The following FAM199X variants were observed in gnomAD, a reference collection of about 807,000 sequenced individuals.
FAM199X encodes protein FAM199X.
FAM199X carries 4 observed loss-of-function variants against 22.9 expected under a neutral mutation model. The ratio of observed to expected loss-of-function variants is 0.17; its 90% CI spans 0.09 to 0.40. FAM199X has a LOEUF of 0.40. Among genes scored for constraint, FAM199X ranks in the 10% least tolerant of loss-of-function variants. The pLI is 1.00. For synonymous variants in FAM199X, 101 were observed against 112.3 expected (o/e 0.90, Z 0.64); for missense variants, 183 against 306.8 (o/e 0.60, Z 3.01).
At chrX:104,183,859 A>G (rs1390840323) in intron 2 of FAM199X, among the ~76,000 whole-genome samples, 1 of 112,364 alleles carries the variant, frequency 8.9e-6, no homozygotes, top group Non-Finnish European at 1.9e-5. Context: ...TGTGGTTTTT[A>G]AGAGTAGTAG....
In FAM199X at chrX:104,191,773, A is replaced by T. The variant is rs1266963761; in HGVS notation, c.*1995A>T. On this transcript the variant is annotated 3_prime_UTR_variant, in exon 6 of 6. Transcript: ENST00000493442. ...CTTGGAAACTATTTACTTAACGGTC[A>T]TCAGTAAAAAACCCTAAACAAGGTC... 8.9e-6 allele frequency: 1 copy of T among 111,942 alleles called. No homozygotes were observed. Among genetic ancestry groups the T allele is most frequent in the Non-Finnish European group, 1.9e-5 (1 of 53,101 alleles). 9.2% of individuals were successfully genotyped at this position (111,942 alleles called of 1,213,427 possible). A position where few individuals can be genotyped will look rare whatever the true frequency, so the allele number is the denominator to read the frequency against.
Position 104,189,933 on chromosome X carries a change from G to T in FAM199X, c.*155G>T, listed in dbSNP as rs1159883604. 4.3e-5 allele frequency: 21 copies of T among 492,497 alleles called. No homozygotes were observed. Among genetic ancestry groups the T allele is most frequent in the Non-Finnish European group, 6.3e-5 (19 of 303,001 alleles). The allele number at this position is 492,497 out of a possible 1,213,427, so 40.6% of individuals were successfully genotyped here. A position where few individuals can be genotyped will look rare whatever the true frequency, so the allele number is the denominator to read the frequency against. ...TTGGCAGGTGATCCCAAGACCTGCA[G>T]CTTCAGCATCACTTGAGAAGTTGTT... is the stretch of plus-strand genomic sequence containing the variant. On this transcript the variant is annotated 3_prime_UTR_variant, in exon 6 of 6. Transcript: ENST00000493442.
chrX:104,192,581 A>G lies in FAM199X; in HGVS notation c.*2803A>G, dbSNP rs931321301. On this transcript the variant is annotated 3_prime_UTR_variant, in exon 6 of 6. Transcript: ENST00000493442. ...TGAGACTTGCATTTAACAAAATGACATATATAATATTTTTCTATAGTTTTG... is the reference window on the plus strand; with the variant it reads ...TGAGACTTGCATTTAACAAAATGACGTATATAATATTTTTCTATAGTTTTG... 1.8e-5 allele frequency: 2 copies of G among 112,070 alleles called. No homozygotes were observed. Among genetic ancestry groups the G allele is most frequent in the East Asian group, 2.8e-4 (1 of 3,615 alleles). The allele number at this position is 112,070 out of a possible 1,213,427, so 9.2% of individuals were successfully genotyped here. A position where few individuals can be genotyped will look rare whatever the true frequency, so the allele number is the denominator to read the frequency against.
intron 2 of FAM199X, among the ~76,000 whole-genome samples, chrX:104,181,937 T>A (rs1219097153): frequency 9.0e-6 from 1 of 111,002 alleles, no homozygotes; most frequent in Non-Finnish European, 1.9e-5. Context: ...TTTATTACCT[T>A]ATCCATTCAG....
At chrX:104,183,839 A>G (rs1293107126) in intron 2 of FAM199X, among the ~76,000 whole-genome samples, 1 of 112,466 alleles carries the variant, frequency 8.9e-6, no homozygotes, top group African/African-American at 3.2e-5. Flanking sequence ...AATAACTGTC[A>G]TAGTGAAAAT....
At chrX:104,182,672 T>A (rs1448485124) in intron 2 of FAM199X, among the ~76,000 whole-genome samples, 9 of 111,925 alleles carry the variant, frequency 8.0e-5, no homozygotes, top group African/African-American at 1.3e-4. Flanking sequence ...TACCTGAATG[T>A]CTTTTCCTTT....
At chrX:104,163,868 A>C (rs1921094601), upstream of FAM199X, among the ~76,000 whole-genome samples, 1 of 109,786 alleles carries the variant, frequency 9.1e-6, no homozygotes, top group South Asian at 4.0e-4. Flanking sequence ...GTGTTACACC[A>C]TATTGGCCAG....
chrX:104,165,476 A>G (rs1172013449), upstream of FAM199X, among the ~76,000 whole-genome samples: 1 of 111,683 alleles, frequency 9.0e-6, no homozygotes, highest in Non-Finnish European at 1.9e-5. Flanking sequence ...TGAAGGATCA[A>G]TGTAGTTTCT....
chrX:104,176,820 A>G (rs1254725239), intron 2 of FAM199X, among the ~76,000 whole-genome samples: 1 of 111,733 alleles, frequency 8.9e-6, no homozygotes, highest in African/African-American at 3.3e-5. Context: ...TCCATTTCCT[A>G]ATTATGGCTA....
intron 4 of FAM199X, 44 bp from the exon 5 acceptor site, chrX:104,187,996 C>T: frequency 8.5e-7 from 1 of 1,182,572 alleles, no homozygotes; most frequent in Non-Finnish European, 1.1e-6. Context: ...GAAGGTAGAA[C>T]ATCAAGGTGC....
At chrX:104,169,038 T>G (rs1466968579) in intron 1 of FAM199X, among the ~76,000 whole-genome samples, 1 of 111,172 alleles carries the variant, frequency 9.0e-6, no homozygotes, top group Non-Finnish European at 1.9e-5. Context: ...CTAGGCTACC[T>G]TGCCTTTTAA....
chrX:104,181,779 T>C (rs374138611), intron 2 of FAM199X, among the ~76,000 whole-genome samples: 3 of 111,001 alleles, frequency 2.7e-5, no homozygotes, highest in South Asian at 3.8e-4. Flanking sequence ...TTTTTTCTTA[T>C]ATGTAAAATG....
intron 2 of FAM199X, 85 bp from the exon 3 acceptor site, chrX:104,185,981 G>A (rs1390862515): frequency 1.1e-5 from 10 of 935,590 alleles, no homozygotes; most frequent in South Asian, 2.5e-5. Context: ...ACTTTTAATC[G>A]ATGTGGAAAA....
At chrX:104,188,362 T>C (rs1238068693) in intron 5 of FAM199X, 56 bp downstream of exon 5, 9 of 1,150,899 alleles carry the variant, frequency 7.8e-6, no homozygotes, top group African/African-American at 5.3e-5. Flanking sequence ...TTAGTACTCC[T>C]TCATATAAAT....
upstream of FAM199X, among the ~76,000 whole-genome samples, chrX:104,164,034 T>A (rs782752134): frequency 1.8e-5 from 2 of 112,494 alleles, no homozygotes; most frequent in East Asian, 5.5e-4. Context: ...CTTTTTATAA[T>A]ATTTCTTAAA....
intron 2 of FAM199X, among the ~76,000 whole-genome samples, chrX:104,183,995 TC>T (rs1300851381): frequency 1.8e-5 from 2 of 111,877 alleles, no homozygotes; most frequent in South Asian, 7.4e-4. Context: ...TGTGATTGAT[TC>T]CCCAGTGCCT....
intron 2 of FAM199X, among the ~76,000 whole-genome samples, chrX:104,178,556 C>G (rs1234971571): frequency 9.0e-6 from 1 of 111,562 alleles, no homozygotes; most frequent in African/African-American, 3.3e-5. Context: ...TCTGGGACTA[C>G]AGGCATGCAC....
intron 2 of FAM199X, 38 bp downstream of exon 2, chrX:104,175,880 C>T (rs191154411): frequency 2.7e-5 from 27 of 1,000,153 alleles, no homozygotes; most frequent in African/African-American, 2.1e-4. Flanking sequence ...TTGTTACTAC[C>T]GAAGTAGAAG....
rs1452453244 is a variant in FAM199X, at chrX:104,175,512, CA to C, written c.198-105del. The stretch of plus-strand genomic sequence containing the variant: ...AAAGGTAGGGGCTCTTTTAAAAATA[CA>C]AAAAACCTCACATTCCTTATAAATG... On this transcript the variant is annotated intron_variant, in intron 1 of 5. Coordinates refer to ENST00000493442, the MANE Select transcript of FAM199X (RefSeq NM_207318.4). 3 of 624,496 alleles carry C rather than the reference CA, an allele frequency of 4.8e-6. No individual in the cohort carries two copies. In the African/African-American group the frequency reaches 6.9e-5, roughly 14 times the overall value. The allele number at this position is 624,496 out of a possible 1,213,427, so 51.5% of individuals were successfully genotyped here. A position where few individuals can be genotyped will look rare whatever the true frequency, so the allele number is the denominator to read the frequency against.
Sources: gnomAD v4.1 joint callset for allele counts (sites outside exome capture counted in the v4.1 genomes callset) on GRCh38, gnomAD v4.1.1 for gene constraint, MANE v1.5 for transcripts, NCBI Gene and HGNC (gene_info 2026-07-23, HGNC 2026-07-21) for gene names.